DOCK2: variants seen among roughly 807,000 people sequenced by gnomAD.
The protein encoded by DOCK2 is dedicator of cytokinesis protein 2.
A neutral mutation model predicts 248.9 loss-of-function variants in DOCK2; 87 were observed. The observed-to-expected ratio is 0.35, with a 90% CI of 0.29 to 0.42. The LOEUF is 0.42. DOCK2 is among the 10% of genes least tolerant of loss of function. The pLI is 1.00. For missense variants in DOCK2, 1,747 were observed against 2,300.2 expected, an observed-to-expected ratio of 0.76 and a Z score of 4.92; for synonymous variants, 805 against 821.6, an observed-to-expected ratio of 0.98 and a Z score of 0.35.
chr5:169,799,156 C>A (rs1766824518), intron 25 of DOCK2, among the ~76,000 whole-genome samples: 1 of 152,164 alleles, frequency 6.6e-6, no homozygotes, highest in South Asian at 2.1e-4. Context: ...ACACAGATTT[C>A]CTGAAGGCAC....
intron 46 of DOCK2, among the ~76,000 whole-genome samples, chr5:170,072,420 A>C (rs908935403): frequency 1.5e-4 from 23 of 152,110 alleles, no homozygotes; most frequent in Admixed American, 6.6e-5. Context: ...ATAATATATC[A>C]ATTTATTTAT....
chr5:169,952,844 A>G (rs984699470), intron 27 of DOCK2, among the ~76,000 whole-genome samples: 1 of 152,180 alleles, frequency 6.6e-6, no homozygotes, highest in African/African-American at 2.4e-5. Context: ...ATGAATGGAA[A>G]GATGGACAGA....
rs746930346 is a variant in DOCK2, at chr5:170,069,095, C to T, written c.4645-42C>T. 5.1e-6 allele frequency: 8 copies of T among 1,581,026 alleles called. No homozygotes were observed. In the South Asian group the frequency reaches 9.0e-5, roughly 18 times the overall value. On this transcript the variant is annotated intron_variant, in intron 45 of 51. Coordinates refer to ENST00000520908, the MANE Select transcript of DOCK2 (RefSeq NM_004946.3). ...GCCAAAGAGATTGGCTGTGAAATGCCACATGAACAGGAAACCCTGACCTCC... is the reference window on the plus strand; with the variant it reads ...GCCAAAGAGATTGGCTGTGAAATGCTACATGAACAGGAAACCCTGACCTCC...
intron 38 of DOCK2, among the ~76,000 whole-genome samples, chr5:170,044,633 C>T (rs1298677312): frequency 6.6e-6 from 1 of 152,164 alleles, no homozygotes. Context: ...CCAGCCTGGC[C>T]CATATACTTG....
At chr5:170,001,049 G>C (rs980447748) in intron 30 of DOCK2, among the ~76,000 whole-genome samples, 1 of 152,254 alleles carries the variant, frequency 6.6e-6, no homozygotes, top group East Asian at 1.9e-4. Context: ...GTGGGCACAT[G>C]CTTGGGTGCA....
At chr5:169,938,274 C>T (rs1013093464) in intron 27 of DOCK2, among the ~76,000 whole-genome samples, 7 of 150,746 alleles carry the variant, frequency 4.6e-5, no homozygotes, top group South Asian at 4.2e-4. Context: ...CTGGGATGTC[C>T]GTGTCCAAAC....
At position 169,637,414 on chromosome 5, in the gene DOCK2, G is replaced by T. The variant is rs995718208; in HGVS notation, c.43+45G>T. ...CGCGGCAGGGAGCGGGACAGGTGGC[G>T]GGAGAGCCGCGAGCAGGAGGATGCT... On this transcript the variant is annotated intron_variant, in intron 1 of 51. Transcript: ENST00000520908. The T allele has an allele frequency of 4.4e-5, 58 of 1,318,562 alleles. No homozygotes were observed. In the African/African-American group the frequency reaches 8.3e-4, roughly 19 times the overall value. 81.7% of individuals were successfully genotyped at this position (1,318,562 alleles called of 1,614,324 possible). A position where few individuals can be genotyped will look rare whatever the true frequency, so the allele number is the denominator to read the frequency against.
intron 2 of DOCK2, among the ~76,000 whole-genome samples, chr5:169,660,618 A>G (rs1016501011): frequency 2.0e-5 from 3 of 152,248 alleles, no homozygotes; most frequent in African/African-American, 7.2e-5. Context: ...GCACACCAAG[A>G]GCCATAGGCA....
intron 25 of DOCK2, among the ~76,000 whole-genome samples, chr5:169,796,239 A>G (rs1490318748): frequency 6.6e-6 from 1 of 152,222 alleles, no homozygotes; most frequent in Admixed American, 6.5e-5. Context: ...TAAAATCTGT[A>G]TTCTGATGGT....
chr5:169,695,763 TCAG>T, intron 9 of DOCK2, 37 bp from the exon 10 acceptor site: 1 of 1,609,908 alleles, frequency 6.2e-7, no homozygotes, highest in African/African-American at 1.3e-5. Context: ...TTTCCCCCAT[TCAG>T]CACATGATGG....
chr5:169,884,065 C>G (rs1454440354), intron 27 of DOCK2: 1 of 521,918 alleles, frequency 1.9e-6, no homozygotes, highest in Non-Finnish European at 3.2e-6. Context: ...CATTCCCAGC[C>G]TCTAGAGTCT....
At chr5:169,922,239 C>T (rs1180300759) in intron 27 of DOCK2, among the ~76,000 whole-genome samples, 3 of 152,170 alleles carry the variant, frequency 2.0e-5, no homozygotes, top group African/African-American at 7.2e-5. Flanking sequence ...GTATTTATTG[C>T]TTCCAAAGAA....
At position 169,637,309 on chromosome 5, in the gene DOCK2, C is replaced by T. The variant is rs1279027199; in HGVS notation, c.-18C>T. 4 of 1,427,416 alleles carry T rather than the reference C, an allele frequency of 2.8e-6. No individual in the cohort carries two copies. The highest frequency in any genetic ancestry group is 2.9e-5 in the Admixed American group (1 of 34,900). The allele number at this position is 1,427,416 out of a possible 1,614,324, so 88.4% of individuals were successfully genotyped here. On this transcript the variant is annotated 5_prime_UTR_variant, in exon 1 of 52. Coordinates refer to ENST00000520908, the MANE Select transcript of DOCK2 (RefSeq NM_004946.3). ...CTGACGGCTTCCCCACGGGAGGACGCGAGGCCCCGGCCCAGCCATGGCCCC... is the reference window on the plus strand; with the variant it reads ...CTGACGGCTTCCCCACGGGAGGACGTGAGGCCCCGGCCCAGCCATGGCCCC...
chr5:169,670,372 T>C (rs1386230465), intron 3 of DOCK2, among the ~76,000 whole-genome samples, 170 bp from the exon 4 acceptor site: 1 of 152,150 alleles, frequency 6.6e-6, no homozygotes, highest in Non-Finnish European at 1.5e-5. Flanking sequence ...AACAAGTAGA[T>C]TTAGAATCCA....
chr5:169,819,296 G>C lies in DOCK2; in HGVS notation c.2703+16090G>C, dbSNP rs576935682. 2.7e-4 allele frequency among the ~76,000 whole-genome samples: 41 copies of C among 151,508 alleles called. 1 individual carries two copies. The South Asian group carries it at 8.2e-3, about 30-fold the overall frequency. On this transcript the variant is annotated intron_variant, in intron 26 of 51. Transcript: ENST00000520908. ...TTGCACTCCAGCCTGGGCAACAAGA[G>C]CAAAACTCCATCTCAAACAACAACA...
chr5:169,845,754 G>A lies in DOCK2; in HGVS notation c.2799+4902G>A, dbSNP rs541676941. On this transcript the variant is annotated intron_variant, in intron 27 of 51. Transcript: ENST00000520908. ...TGTCATTAGTCTCAATGACTTTGGA[G>A]TTTGCTAGTGTAATTACAATGCTAA... is the stretch of plus-strand genomic sequence containing the variant. Among the ~76,000 whole-genome samples, 13 of 152,320 alleles carry A rather than the reference G, an allele frequency of 8.5e-5. No homozygotes were observed. In the East Asian group the frequency reaches 1.9e-3, roughly 23 times the overall value.
intron 15 of DOCK2, among the ~76,000 whole-genome samples, chr5:169,708,813 C>T (rs556738726): frequency 1.3e-5 from 2 of 152,294 alleles, no homozygotes; most frequent in Admixed American, 1.3e-4. Context: ...GATCTGCCCA[C>T]CTTGGCCTCC....
chr5:170,009,328 A>C (rs1297579377), intron 32 of DOCK2, among the ~76,000 whole-genome samples: 2 of 152,078 alleles, frequency 1.3e-5, no homozygotes, highest in Non-Finnish European at 2.9e-5. Flanking sequence ...GATTATATTT[A>C]ATCTTCACAT....
At chr5:169,715,139 A>G (rs1761828399) in intron 19 of DOCK2, among the ~76,000 whole-genome samples, 1 of 152,188 alleles carries the variant, frequency 6.6e-6, no homozygotes, top group Admixed American at 6.5e-5. Context: ...GCAGAAAACA[A>G]TGCAAATGTC....
Sources: gnomAD v4.1 joint callset for allele counts (sites outside exome capture counted in the v4.1 genomes callset) on GRCh38, gnomAD v4.1.1 for gene constraint, MANE v1.5 for transcripts, NCBI Gene and HGNC (gene_info 2026-07-23, HGNC 2026-07-21) for gene names.